RALYL: variants seen among roughly 807,000 people sequenced by gnomAD.
RALYL encodes RALY RNA binding protein like, also known as RNA-binding Raly-like protein.
A neutral mutation model predicts 35.1 loss-of-function variants in RALYL; 29 were observed. The ratio of observed to expected loss-of-function variants is 0.83; its 90% CI spans 0.61 to 1.13. The LOEUF (loss-of-function observed/expected upper bound fraction) is 1.13. Among genes scored for constraint, RALYL ranks in the 50% most tolerant of loss-of-function variants. The probability of loss-of-function intolerance (pLI) is 0.00; values close to 1 mark genes in which losing one functional copy is unlikely to be tolerated. For missense variants in RALYL, 359 were observed against 360.4 expected (o/e 1.00, Z 0.03); for synonymous variants, 120 against 127.6 (o/e 0.94, Z 0.40).
intron 1 of RALYL, among the ~76,000 whole-genome samples, chr8:84,426,469 T>TGGGGGGG (rs1278198422): frequency 6.8e-6 from 1 of 147,966 alleles, no homozygotes; most frequent in Non-Finnish European, 1.5e-5. Context: ...TGTGTGTGTG[T>TGGGGGGG]GTGTGGGTTT....
chr8:84,463,834 G>A (rs1394607483), intron 1 of RALYL, among the ~76,000 whole-genome samples: 1 of 151,954 alleles, frequency 6.6e-6, no homozygotes, highest in African/African-American at 2.4e-5. Flanking sequence ...GATGCACATA[G>A]TCATGTACCC....
At chr8:84,212,713 T>G (rs566693462) in intron 1 of RALYL, among the ~76,000 whole-genome samples, 1 of 152,228 alleles carries the variant, frequency 6.6e-6, no homozygotes, top group South Asian at 2.1e-4. Flanking sequence ...AAAACAAGAC[T>G]GATAATTTCA....
chr8:84,502,720 G>GA (rs1355167818), intron 1 of RALYL, among the ~76,000 whole-genome samples: 4 of 151,428 alleles, frequency 2.6e-5, no homozygotes, highest in East Asian at 1.9e-4. Context: ...AAACAAAACA[G>GA]AAAAAAAATT....
intron 2 of RALYL, among the ~76,000 whole-genome samples, chr8:84,691,547 G>A (rs1311682962): frequency 2.0e-5 from 3 of 152,008 alleles, no homozygotes; most frequent in Non-Finnish European, 4.4e-5. Context: ...TTCCTAAGGA[G>A]CTAAGCACAG....
chr8:84,353,358 C>T (rs951347999), intron 1 of RALYL, among the ~76,000 whole-genome samples: 9 of 150,124 alleles, frequency 6.0e-5, no homozygotes, highest in Non-Finnish European at 1.0e-4. Flanking sequence ...TTTAAGCCCC[C>T]GTGGTACAGA....
intron 2 of RALYL, among the ~76,000 whole-genome samples, chr8:84,667,128 G>T (rs545638997): frequency 8.6e-5 from 13 of 151,962 alleles, no homozygotes; most frequent in Non-Finnish European, 2.9e-5. Flanking sequence ...AAGAAAACAG[G>T]TAATTTGACC....
intron 1 of RALYL, among the ~76,000 whole-genome samples, chr8:84,279,052 C>T (rs752261098): frequency 3.9e-5 from 6 of 152,154 alleles, no homozygotes; most frequent in Admixed American, 6.5e-5. Flanking sequence ...GTTTAATGGA[C>T]TCACAGTCCC....
At chr8:84,857,798 A>T (rs115506164) in intron 5 of RALYL, among the ~76,000 whole-genome samples, 3,392 of 152,290 alleles carry the variant, frequency 0.022, 130 homozygotes, top group African/African-American at 0.077. Flanking sequence ...AAAACAGATT[A>T]AAGAATTATA....
intron 2 of RALYL, among the ~76,000 whole-genome samples, chr8:84,568,323 C>G (rs900359082): frequency 1.3e-5 from 2 of 150,682 alleles, no homozygotes; most frequent in Admixed American, 1.3e-4. Flanking sequence ...CCTTGCGATA[C>G]TTTGCTGAGA....
At chr8:84,762,750 C>A (rs1391796442) in intron 2 of RALYL, among the ~76,000 whole-genome samples, 1 of 152,118 alleles carries the variant, frequency 6.6e-6, no homozygotes, top group Non-Finnish European at 1.5e-5. Flanking sequence ...ACCACAAGAT[C>A]ATTGTCAGAT....
intron 1 of RALYL, among the ~76,000 whole-genome samples, chr8:84,339,386 T>A (rs184528305): frequency 6.6e-6 from 1 of 152,040 alleles, no homozygotes; most frequent in African/African-American, 2.4e-5. Flanking sequence ...GTCAGATTAA[T>A]GGCAGGATTA....
At chr8:84,536,611 A>G (rs2059622632) in intron 2 of RALYL, among the ~76,000 whole-genome samples, 1 of 152,180 alleles carries the variant, frequency 6.6e-6, no homozygotes, top group African/African-American at 2.4e-5. Flanking sequence ...CCTTATGGAG[A>G]TTTCTAAGTC....
chr8:84,265,733 A>G (rs1002580286), intron 1 of RALYL, among the ~76,000 whole-genome samples: 1 of 151,826 alleles, frequency 6.6e-6, no homozygotes, highest in African/African-American at 2.4e-5. Context: ...ACCCCATCAC[A>G]GTGATGGTTC....
intron 2 of RALYL, among the ~76,000 whole-genome samples, chr8:84,717,204 G>A (rs1029446218): frequency 2.0e-5 from 3 of 152,110 alleles, no homozygotes; most frequent in African/African-American, 7.2e-5. Context: ...GATCATAGAT[G>A]TGTTTGTTAC....
chr8:84,847,798 C>T (rs1834975297), intron 4 of RALYL, among the ~76,000 whole-genome samples: 1 of 152,132 alleles, frequency 6.6e-6, no homozygotes, highest in East Asian at 1.9e-4. Context: ...GTCTTCCATT[C>T]AGATGCTCAA....
chr8:84,868,646 T>C (rs1389153734), intron 6 of RALYL, among the ~76,000 whole-genome samples: 2 of 152,216 alleles, frequency 1.3e-5, no homozygotes, highest in Non-Finnish European at 1.5e-5. Context: ...CAGATGCATA[T>C]AGTAGGCATT....
chr8:84,332,366 G>A (rs2130725050), intron 1 of RALYL, among the ~76,000 whole-genome samples: 1 of 152,176 alleles, frequency 6.6e-6, no homozygotes, highest in Non-Finnish European at 1.5e-5. Context: ...GACTGAGAAA[G>A]GGAAATGTAA....
chr8:84,632,560 T>C (rs1341388129), intron 2 of RALYL, among the ~76,000 whole-genome samples: 1 of 151,528 alleles, frequency 6.6e-6, no homozygotes, highest in African/African-American at 2.4e-5. Flanking sequence ...AATTGAGATA[T>C]TTGGTTGTGA....
chr8:84,542,101 A>G (rs1564114838), intron 2 of RALYL, among the ~76,000 whole-genome samples: 3 of 151,944 alleles, frequency 2.0e-5, no homozygotes, highest in East Asian at 1.9e-4. Flanking sequence ...CATGTACTGC[A>G]TGTTCATTTG....
Sources: allele counts gnomAD v4.1 joint callset (sites outside exome capture counted in the v4.1 genomes callset), GRCh38; gene constraint gnomAD v4.1.1; transcripts MANE v1.5; gene names NCBI Gene and HGNC (gene_info 2026-07-23, HGNC 2026-07-21).